FIGNL2: variants seen among roughly 807,000 people sequenced by gnomAD.
The protein encoded by FIGNL2 is fidgetin-like protein 2.
For missense variants in FIGNL2, 1,060 were observed against 950.2 expected (o/e 1.12, Z -1.52); for synonymous variants, 565 against 484.0 (o/e 1.17, Z -2.20).
In FIGNL2 at chr12:51,822,036, G is replaced by A. The variant is rs778254551; in HGVS notation, c.378C>T (p.Ser126=). The A allele has an allele frequency of 1.2e-6, 2 of 1,606,456 alleles. No homozygotes were observed. Among genetic ancestry groups the A allele is most frequent in the South Asian group, 2.2e-5 (2 of 89,820 alleles). ...PGTKSGGGGG[S]GALGGSPVLA... ...AAACTGGGGAGCCCCCCAGGGCCCCGGAACCGCCGCCACCGCCCGATTTGG... is the reference window on the plus strand; with the variant it reads ...AAACTGGGGAGCCCCCCAGGGCCCCAGAACCGCCGCCACCGCCCGATTTGG... Residue 126 remains serine, a synonymous_variant, in exon 2 of 2, where the codon TCC becomes TCT. Transcript: ENST00000618634.
rs1035724782 is a variant in FIGNL2, at chr12:51,822,209, C to T, written c.205G>A (p.Gly69Arg). The T allele has an allele frequency of 1.9e-6, 3 of 1,611,778 alleles. No individual in the cohort carries two copies. The highest frequency in any genetic ancestry group is 2.5e-6 in the Non-Finnish European group (3 of 1,179,082). ...LLKRYAEKYS[G>R]VLDSPYERPA... ...CGCTCGTAGGGAGAATCCAAGACCC[C>T]AGAGTACTTCTCTGCATAGCGCTTT... is the stretch of plus-strand genomic sequence containing the variant. Residue 69 changes from glycine (G) to arginine (R), a missense_variant, in exon 2 of 2, where the codon GGG becomes AGG. Coordinates refer to ENST00000618634, the MANE Select transcript of FIGNL2 (RefSeq NM_001384995.1).
chr12:51,831,569 A>T (rs1393139345), intron 1 of FIGNL2, among the ~76,000 whole-genome samples: 2 of 152,346 alleles, frequency 1.3e-5, no homozygotes, highest in African/African-American at 4.8e-5. Context: ...GGCAGGGAGC[A>T]CACCCCTGAG....
intron 1 of FIGNL2, 46 bp from the exon 2 acceptor site, chr12:51,822,470 A>AC: frequency 6.2e-7 from 1 of 1,601,298 alleles, no homozygotes; most frequent in Non-Finnish European, 8.5e-7. Context: ...GCCACCGAGG[A>AC]CCCAGTGGGC....
intron 1 of FIGNL2, among the ~76,000 whole-genome samples, chr12:51,837,171 G>C (rs906436053): frequency 1.3e-5 from 2 of 152,128 alleles, no homozygotes; most frequent in African/African-American, 4.8e-5. Flanking sequence ...CTGGGGCACA[G>C]AGGAATTTGG....
Position 51,820,960 on chromosome 12 carries a change from G to A in FIGNL2, c.1454C>T (p.Pro485Leu), listed in dbSNP as rs1384868769. The change falls in exon 2 of 2, where the codon CCC becomes CTC. Residue 485 changes from proline to leucine, a missense_variant. By Grantham distance (98) the Pro-to-Leu change is moderately conservative. Coordinates refer to ENST00000618634, the MANE Select transcript of FIGNL2 (RefSeq NM_001384995.1). Reference protein sequence around the residue: ...AAFAAARCRPPSVLLISELEA... With the variant: ...AAFAAARCRPLSVLLISELEA... The stretch of plus-strand genomic sequence containing the variant: ...TAGCTCGCTGATGAGGAGTACGGAG[G>A]GTGGGCGGCAGCGCGCGGCCGCGAA... The A allele has an allele frequency of 1.1e-5, 14 of 1,232,666 alleles. No homozygotes were observed. Among genetic ancestry groups the A allele is most frequent in the Middle Eastern group, 3.2e-4 (1 of 3,140 alleles). The allele number at this position is 1,232,666 out of a possible 1,614,324, so 76.4% of individuals were successfully genotyped here.
At chr12:51,832,670 T>C (rs1939495037) in intron 1 of FIGNL2, among the ~76,000 whole-genome samples, 1 of 152,150 alleles carries the variant, frequency 6.6e-6, no homozygotes, top group Admixed American at 6.5e-5. Flanking sequence ...CCGTGCATGA[T>C]CCCATCCCAT....
At chr12:51,833,466 G>T (rs1254710034) in intron 1 of FIGNL2, among the ~76,000 whole-genome samples, 1 of 152,130 alleles carries the variant, frequency 6.6e-6, no homozygotes, top group Non-Finnish European at 1.5e-5. Context: ...AAAGCTTCCA[G>T]TGGCTCCCAT....
Position 51,819,258 on chromosome 12 carries a change from C to T in FIGNL2, c.*1194G>A, listed in dbSNP as rs1430209428. The stretch of plus-strand genomic sequence containing the variant: ...CAGGAAGGAATTGGGCAAGGGCATC[C>T]TAACTCTGGATAGCCCTTCACAGAA... On this transcript the variant is annotated 3_prime_UTR_variant, in exon 2 of 2. Coordinates refer to ENST00000618634, the MANE Select transcript of FIGNL2 (RefSeq NM_001384995.1). 1 of 149,736 alleles carries T rather than the reference C, an allele frequency of 6.7e-6. No homozygotes were observed. Among genetic ancestry groups the T allele is most frequent in the Non-Finnish European group, 1.5e-5 (1 of 67,304 alleles). The allele number at this position is 149,736 out of a possible 1,614,324, so 9.3% of individuals were successfully genotyped here.
At chr12:51,845,567 C>A in intron 1 of FIGNL2, 5 of 985,434 alleles carry the variant, frequency 5.1e-6, no homozygotes, top group Non-Finnish European at 4.8e-6. Flanking sequence ...TGGAGCTTTG[C>A]AGAGCCATGC....
At chr12:51,844,024 C>A (rs1939704889) in intron 1 of FIGNL2, among the ~76,000 whole-genome samples, 1 of 152,090 alleles carries the variant, frequency 6.6e-6, no homozygotes, top group Non-Finnish European at 1.5e-5. Flanking sequence ...TCTCTGGAGT[C>A]CCTGGGCCCC....
intron 1 of FIGNL2, among the ~76,000 whole-genome samples, chr12:51,846,068 A>AAG (rs1939745049): frequency 6.6e-6 from 1 of 152,224 alleles, no homozygotes; most frequent in Non-Finnish European, 1.5e-5. Context: ...CATGCTATGC[A>AAG]GACTGCCTGG....
At chr12:51,844,641 G>A in intron 1 of FIGNL2, 1 of 942,446 alleles carries the variant, frequency 1.1e-6, no homozygotes, top group Non-Finnish European at 1.3e-6. Context: ...TGTTTAACAA[G>A]TGTGTGGAAG....
chr12:51,838,780 G>C (rs372655228), intron 1 of FIGNL2, among the ~76,000 whole-genome samples: 1 of 152,044 alleles, frequency 6.6e-6, no homozygotes, highest in African/African-American at 2.4e-5. Context: ...GAGGTGGGGG[G>C]GCTGCTCTCC....
Position 51,821,262 on chromosome 12 carries a change from G to A in FIGNL2, c.1152C>T (p.Asp384=), listed in dbSNP as rs1233207238. The change falls in exon 2 of 2, where the codon GAC becomes GAT. Residue 384 remains aspartate (D), a synonymous_variant. Transcript: ENST00000618634. ...CCGCCCACTGCACCGGGGGCCCGCA[G>A]TCCACCATCTTGCTCGTCACCAGCT... ...ALELVTSKMV[D]CGPPVQWADV... 2.6e-6 allele frequency: 4 copies of A among 1,526,504 alleles called. No homozygotes were observed. In the South Asian group the frequency reaches 3.6e-5, roughly 14 times the overall value. 94.6% of individuals were successfully genotyped at this position (1,526,504 alleles called of 1,614,324 possible).
chr12:51,848,597 C>T lies in FIGNL2; in HGVS notation c.-69G>A. ...GCGCGGCCTGGGGGCGCGTCCGGCC[C>T]GGGGACCGGGGCGGCGGCGCGGGCC... On this transcript the variant is annotated 5_prime_UTR_variant, in exon 1 of 2. Coordinates refer to ENST00000618634, the MANE Select transcript of FIGNL2 (RefSeq NM_001384995.1). 4 of 949,948 alleles carry T rather than the reference C, an allele frequency of 4.2e-6. No homozygotes were observed. The highest frequency in any genetic ancestry group is 5.0e-6 in the Non-Finnish European group (4 of 798,168). The allele number at this position is 949,948 out of a possible 1,614,324, so 58.8% of individuals were successfully genotyped here.
At chr12:51,833,758 TAACACTCATCC>T (rs1170393701) in intron 1 of FIGNL2, among the ~76,000 whole-genome samples, 1 of 152,228 alleles carries the variant, frequency 6.6e-6, no homozygotes, top group Non-Finnish European at 1.5e-5. Flanking sequence ...ATGTTCCCTG[TAACACTCATCC>T]ATCAGATTAT....
intron 1 of FIGNL2, among the ~76,000 whole-genome samples, chr12:51,837,608 C>CG (rs1939599886): frequency 6.6e-6 from 1 of 152,204 alleles, no homozygotes; most frequent in Non-Finnish European, 1.5e-5. Context: ...CTCTCCTCCC[C>CG]ACCCCCTTCT....
At chr12:51,827,867 A>G (rs1038690392) in intron 1 of FIGNL2, among the ~76,000 whole-genome samples, 3 of 152,146 alleles carry the variant, frequency 2.0e-5, no homozygotes, top group Admixed American at 2.0e-4. Context: ...TGAGATCAAT[A>G]CTGTTATTGT....
At position 51,822,241 on chromosome 12, in the gene FIGNL2, T is replaced by C. The variant is rs562509754; in HGVS notation, c.173A>G (p.Asn58Ser). 6.2e-7 allele frequency: 1 copy of C among 1,610,922 alleles called. No homozygotes were observed. Among genetic ancestry groups the C allele is most frequent in the South Asian group, 1.1e-5 (1 of 90,466 alleles). Residue 58 changes from asparagine to serine, a missense_variant, in exon 2 of 2, where the codon AAC (asparagine) becomes AGC (serine). Coordinates refer to ENST00000618634, the MANE Select transcript of FIGNL2 (RefSeq NM_001384995.1). ...CTTCTCTGCATAGCGCTTTAGGAGG[T>C]TGGAGGCAGTGAGGGCTGAGATGTC... is the stretch of plus-strand genomic sequence containing the variant. Reference protein sequence around the residue: ...HDDISALTASNLLKRYAEKYS... With the variant: ...HDDISALTASSLLKRYAEKYS...
Sources: allele counts gnomAD v4.1 joint callset (sites outside exome capture counted in the v4.1 genomes callset), GRCh38; gene constraint gnomAD v4.1.1; transcripts MANE v1.5; gene names NCBI Gene and HGNC (gene_info 2026-07-23, HGNC 2026-07-21).